BCAN: variants seen among roughly 807,000 people sequenced by gnomAD.
BCAN encodes brevican core protein.
In BCAN, 51 loss-of-function variants were observed where a neutral mutation model predicts 92.4. The observed-to-expected ratio is 0.55, with a 90% CI of 0.44 to 0.70. The LOEUF (loss-of-function observed/expected upper bound fraction) is 0.70. Ranked by LOEUF, BCAN falls within the 30% of genes least tolerant of loss-of-function variation. The probability of loss-of-function intolerance (pLI) is 0.00; values close to 1 mark genes in which losing one functional copy is unlikely to be tolerated. For missense variants in BCAN, 1,140 were observed against 1,212.1 expected (o/e 0.94, Z 0.88); for synonymous variants, 501 against 505.2 (o/e 0.99, Z 0.11).
At position 156,651,590 on chromosome 1, in the gene BCAN, G is replaced by A; in HGVS notation, c.1198G>A (p.Glu400Lys). ...LQLPQEATES[E>K]SRGAIYSIPI... ...GCTGCCTCAGGAAGCCACAGAGAGT[G>A]AATCCCGTGGGGCCATCTACTCCAT... The change falls in exon 7 of 14, where the codon GAA (glutamate) becomes AAA (lysine). Residue 400 changes from glutamate to lysine, a missense_variant. Glu to Lys is a moderately conservative substitution (Grantham distance 56). Around this residue, in one of 3 missense-constraint regions of BCAN, gnomAD observed 825 missense variants for 871.8 expected, o/e 0.95. Transcript: ENST00000329117. The A allele has an allele frequency of 6.2e-7, 1 of 1,613,942 alleles. No homozygotes were observed. Among genetic ancestry groups the A allele is most frequent in the Non-Finnish European group, 8.5e-7 (1 of 1,180,022 alleles).
chr1:156,646,682 A>AG (rs1380897324), intron 2 of BCAN, 119 bp from the exon 3 acceptor site: 21 of 1,437,904 alleles, frequency 1.5e-5, no homozygotes, highest in East Asian at 2.5e-5. Flanking sequence ...CCCTGGTCCT[A>AG]GGGGGGCCGG....
intron 5 of BCAN, 98 bp downstream of exon 5, chr1:156,648,208 A>C: frequency 6.7e-7 from 1 of 1,482,370 alleles, no homozygotes; most frequent in Non-Finnish European, 9.2e-7. Context: ...ATCCCTCCTG[A>C]GTTTAAGGGG....
intron 1 of BCAN, chr1:156,643,010 T>C (rs1297846139): frequency 6.6e-6 from 1 of 152,210 alleles, no homozygotes; most frequent in Non-Finnish European, 1.5e-5. Flanking sequence ...GAATTCCCTC[T>C]CCCAGGTATT....
Position 156,642,331 on chromosome 1 carries a change from A to G in BCAN, c.-9+56A>G, listed in dbSNP as rs2102549428. 6.6e-6 allele frequency: 1 copy of G among 152,526 alleles called. No homozygotes were observed. The highest frequency in any genetic ancestry group is 1.5e-5 in the Non-Finnish European group (1 of 68,260). The allele number at this position is 152,526 out of a possible 1,614,324, so 9.4% of individuals were successfully genotyped here. A position where few individuals can be genotyped will look rare whatever the true frequency, so the allele number is the denominator to read the frequency against. On this transcript the variant is annotated intron_variant, in intron 1 of 13. Transcript: ENST00000329117. The surrounding 1 kb of genome is among the most constrained non-coding windows in gnomAD (Gnocchi z 4.2). ...GTGGGGTCGGGGACAGGGAGAAGGG[A>G]GTGCCTGCCTGGTCTGCGCCCCCCG...
At chr1:156,656,786 C>T in intron 9 of BCAN, 152 bp from the exon 10 acceptor site, 1 of 1,070,896 alleles carries the variant, frequency 9.3e-7, no homozygotes, top group Non-Finnish European at 1.3e-6. Context: ...CCTGCTACCC[C>T]CTCATTCTCT....
At position 156,652,585 on chromosome 1, in the gene BCAN, T is replaced by C; in HGVS notation, c.1635T>C (p.Thr545=). 1 of 1,614,080 alleles carries C rather than the reference T, an allele frequency of 6.2e-7. No individual in the cohort carries two copies. The highest frequency in any genetic ancestry group is 1.1e-5 in the South Asian group (1 of 91,082). The change falls in exon 8 of 14, where the codon ACT becomes ACC. Residue 545 remains threonine, a synonymous_variant. Coordinates refer to ENST00000329117, the MANE Select transcript of BCAN (RefSeq NM_021948.5). ...VHGPPTETLP[T]PRERNLASPS... is the part of the protein sequence containing the mutation. Reference sequence around the variant, plus strand: ...GACCACCTACTGAGACTCTGCCCACTCCCAGGGAGAGGAACCTAGCATCCC... The same window carrying C: ...GACCACCTACTGAGACTCTGCCCACCCCCAGGGAGAGGAACCTAGCATCCC...
intron 2 of BCAN, chr1:156,646,416 C>G: frequency 2.0e-6 from 1 of 504,392 alleles, no homozygotes; most frequent in Non-Finnish European, 3.5e-6. Context: ...AGGGGTGGAA[C>G]TGGGAGAAAC....
At position 156,658,215 on chromosome 1, in the gene BCAN, A is replaced by T; in HGVS notation, c.2381A>T (p.Gln794Leu). The T allele has an allele frequency of 6.2e-7, 1 of 1,614,064 alleles. No individual in the cohort carries two copies. The change falls in exon 12 of 14, where the codon CAA becomes CTA. Residue 794 changes from glutamine (Q) to leucine (L), a missense_variant. Coordinates refer to ENST00000329117, the MANE Select transcript of BCAN (RefSeq NM_021948.5). This position sits in a 1 kb window ranked among gnomAD's most constrained non-coding sequence, Gnocchi z 4.4. The stretch of plus-strand genomic sequence containing the variant: ...GTCATGGTGTGGCATGATCAGGGAC[A>T]ATGGAGTGACGTGCCCTGCAACTAC... The part of the protein sequence containing the change: ...CVVMVWHDQG[Q>L]WSDVPCNYHL...
At chr1:156,653,585 C>CTG in intron 8 of BCAN, 1 of 962,702 alleles carries the variant, frequency 1.0e-6, no homozygotes, top group Non-Finnish European at 1.2e-6. Context: ...CTCCCTGTCT[C>CTG]TGTGTGTGTC....
rs763238229 is a variant in BCAN, at chr1:156,646,762, C to CGACA, written c.92-37_92-34dup. 13 of 1,513,302 alleles carry CGACA rather than the reference C, an allele frequency of 8.6e-6. No homozygotes were observed. The South Asian group carries it at 1.7e-4, about 20-fold the overall frequency. The allele number at this position is 1,513,302 out of a possible 1,614,324, so 93.7% of individuals were successfully genotyped here. ...GGCCACCGGGTGGGACTCTGAGGGT[C>CGACA]GACAGCGTTAAGTTCCAGCCGGCTC... On this transcript the variant is annotated intron_variant, in intron 2 of 13. Coordinates refer to ENST00000329117, the MANE Select transcript of BCAN (RefSeq NM_021948.5).
At chr1:156,646,548 C>T (rs1678968945) in intron 2 of BCAN, 5 of 588,996 alleles carry the variant, frequency 8.5e-6, no homozygotes, top group Non-Finnish European at 1.4e-5. Flanking sequence ...ACTCTGAGAG[C>T]AGGGCAAGGA....
chr1:156,656,853 G>T, intron 9 of BCAN, 85 bp from the exon 10 acceptor site: 1 of 1,540,540 alleles, frequency 6.5e-7, no homozygotes, highest in Non-Finnish European at 8.8e-7. Flanking sequence ...CTCGGCCTGC[G>T]GTAGTGGAAG....
chr1:156,653,438 G>T, intron 8 of BCAN: 1 of 991,358 alleles, frequency 1.0e-6, no homozygotes, highest in Non-Finnish European at 1.2e-6. Context: ...AACAAGCCTT[G>T]GAAATAAATC....
intron 2 of BCAN, chr1:156,646,508 G>T: frequency 1.9e-6 from 1 of 525,508 alleles, no homozygotes; most frequent in Non-Finnish European, 3.3e-6. Flanking sequence ...CCTGGGGTGT[G>T]GTCTAGGAAT....
In BCAN at chr1:156,651,495, C is replaced by T. The variant is rs1434239584; in HGVS notation, c.1103C>T (p.Pro368Leu). Residue 368 changes from proline to leucine, a missense_variant, in exon 7 of 14, where the codon CCA becomes CTA. By Grantham distance (98) the Pro-to-Leu change is moderately conservative (BLOSUM62 -3). This residue lies in a region of BCAN where 825 missense variants were observed against 871.8 expected (regional missense o/e 0.95). Coordinates refer to ENST00000329117, the MANE Select transcript of BCAN (RefSeq NM_021948.5). The part of the protein sequence containing the change: ...QPSAIPEASN[P>L]ASNPASDGLE... ...TCTGCCATCCCTGAGGCCTCCAACC[C>T]AGCCTCCAACCCAGCCTCTGATGGA... is the stretch of plus-strand genomic sequence containing the variant. 6.2e-7 allele frequency: 1 copy of T among 1,613,616 alleles called. No homozygotes were observed. The highest frequency in any genetic ancestry group is 1.3e-5 in the African/African-American group (1 of 75,026).
chr1:156,648,970 C>T (rs1290422460), intron 6 of BCAN, 109 bp downstream of exon 6: 1 of 1,315,366 alleles, frequency 7.6e-7, no homozygotes, highest in Non-Finnish European at 1.0e-6. Context: ...TGCCATTTGC[C>T]TGAAGTGGTC....
At chr1:156,646,566 G>A (rs1424835293) in intron 2 of BCAN, 2 of 635,116 alleles carry the variant, frequency 3.1e-6, no homozygotes, top group Middle Eastern at 4.4e-4. Flanking sequence ...GGAATCCTGG[G>A]GGCTGAATTG....
intron 7 of BCAN, 132 bp from the exon 8 acceptor site, chr1:156,652,116 G>A (rs1679182992): frequency 8.1e-7 from 1 of 1,234,964 alleles, no homozygotes; most frequent in South Asian, 1.6e-5. Flanking sequence ...AGGACCACCT[G>A]TCCTCAGGGC....
In BCAN at chr1:156,652,675, T is replaced by G. The variant is rs1309584592; in HGVS notation, c.1725T>G (p.Ser575=). The part of the protein sequence containing the change: ...VGEATGGPEL[S]GVPRGESEET... ...AGGCAACTGGTGGTCCTGAGCTATC[T>G]GGGGTCCCTCGAGGAGAGAGCGAGG... is the stretch of plus-strand genomic sequence containing the variant. The change falls in exon 8 of 14, where the codon TCT becomes TCG. Residue 575 remains serine (S), a synonymous_variant. Transcript: ENST00000329117. 1.6e-5 allele frequency: 25 copies of G among 1,612,708 alleles called. No homozygotes were observed. Among genetic ancestry groups the G allele is most frequent in the Non-Finnish European group, 2.0e-5 (24 of 1,179,260 alleles).
Sources: allele counts gnomAD v4.1 joint callset, GRCh38; gene constraint gnomAD v4.1.1; regional missense constraint gnomAD v4.1.1; non-coding constraint Gnocchi (gnomAD v3.1); transcripts MANE v1.5; gene names NCBI Gene and HGNC (gene_info 2026-07-23, HGNC 2026-07-21).